The following L3MBTL4 variants were observed in gnomAD, a reference collection of about 807,000 sequenced individuals.
L3MBTL4 encodes the protein lethal(3)malignant brain tumor-like protein 4.
L3MBTL4 carries 70 observed loss-of-function variants against 84.5 expected under a neutral mutation model. That is an observed-to-expected ratio of 0.83 (90% CI 0.68 to 1.01). L3MBTL4 has a LOEUF of 1.01. Ranked by LOEUF, L3MBTL4 falls within the 50% of genes least tolerant of loss-of-function variation. The pLI is 0.00. For synonymous variants in L3MBTL4, 274 were observed against 259.8 expected, an observed-to-expected ratio of 1.05 and a Z score of -0.52; for missense variants, 715 against 754.8, an observed-to-expected ratio of 0.95 and a Z score of 0.62.
intron 1 of L3MBTL4, among the ~76,000 whole-genome samples, chr18:6,329,255 G>A (rs907838479): frequency 1.3e-4 from 19 of 148,134 alleles, no homozygotes; most frequent in African/African-American, 4.0e-4. Context: ...CTGGGTTCAC[G>A]CCATTCTCCT....
intron 17 of L3MBTL4, among the ~76,000 whole-genome samples, chr18:5,964,762 G>T (rs606266): frequency 0.6 from 90,519 of 151,906 alleles, 27,604 homozygotes; most frequent in East Asian, 0.92. Flanking sequence ...ATACCTAGGG[G>T]GGTAAATGTG....
chr18:6,413,423 C>A (rs1410247410), intron 1 of L3MBTL4, among the ~76,000 whole-genome samples: 6 of 152,042 alleles, frequency 3.9e-5, no homozygotes, highest in Non-Finnish European at 8.8e-5. Context: ...TTTGGATACT[C>A]CAAGAAAAAA....
At chr18:5,991,261 A>C (rs1385968249) in intron 16 of L3MBTL4, among the ~76,000 whole-genome samples, 1 of 152,186 alleles carries the variant, frequency 6.6e-6, no homozygotes, top group African/African-American at 2.4e-5. Flanking sequence ...TTCCTATCAC[A>C]GTCAGTACTT....
At chr18:5,958,062 GAGAAGAAGAAGAAGAAGA>G (rs563678931) in intron 18 of L3MBTL4, among the ~76,000 whole-genome samples, 1,300 of 93,188 alleles carry the variant, frequency 0.014, 16 homozygotes, top group South Asian at 0.022. Flanking sequence ...GAAGGAGAAG[GAGAAGAAGAAGAAGAAGA>G]AGAAGAAGAA....
chr18:6,375,619 G>T (rs1432097001), intron 1 of L3MBTL4, among the ~76,000 whole-genome samples: 2 of 152,082 alleles, frequency 1.3e-5, no homozygotes, highest in South Asian at 2.1e-4. Flanking sequence ...AGGGCTCTTT[G>T]TCACTGTATC....
chr18:6,169,209 G>T (rs1483314566), intron 13 of L3MBTL4, among the ~76,000 whole-genome samples: 1 of 152,172 alleles, frequency 6.6e-6, no homozygotes, highest in Non-Finnish European at 1.5e-5. Flanking sequence ...GGAGAAATGG[G>T]AACACTTTTA....
intron 14 of L3MBTL4, among the ~76,000 whole-genome samples, chr18:6,097,237 T>C (rs1217507061): frequency 6.6e-6 from 1 of 152,226 alleles, no homozygotes; most frequent in Non-Finnish European, 1.5e-5. Context: ...CAGACAAAGT[T>C]TTAAAAGAAA....
At chr18:6,310,676 G>A (rs910545881) in intron 3 of L3MBTL4, among the ~76,000 whole-genome samples, 5 of 152,190 alleles carry the variant, frequency 3.3e-5, no homozygotes, top group African/African-American at 1.2e-4. Flanking sequence ...TGAGAATGCT[G>A]TAATGGCCCA....
intron 16 of L3MBTL4, among the ~76,000 whole-genome samples, chr18:6,052,173 A>G (rs538017586): frequency 1.7e-3 from 261 of 152,364 alleles, no homozygotes; most frequent in African/African-American, 6.2e-3. Flanking sequence ...ATTTCCTTTA[A>G]GTCGACTTCA....
intron 12 of L3MBTL4, among the ~76,000 whole-genome samples, chr18:6,196,247 T>C (rs1263024599): frequency 1.4e-5 from 2 of 145,390 alleles, no homozygotes; most frequent in African/African-American, 2.6e-5. Context: ...AAGCTCCACC[T>C]CCCGGGTTCA....
intron 1 of L3MBTL4, among the ~76,000 whole-genome samples, chr18:6,399,140 C>A (rs1040712962): frequency 5.3e-5 from 8 of 152,222 alleles, no homozygotes; most frequent in Middle Eastern, 6.8e-3. Flanking sequence ...TTAGCCAAAC[C>A]TTTGGAAAGA....
At chr18:6,264,652 C>A (rs188674092) in intron 4 of L3MBTL4, among the ~76,000 whole-genome samples, 49 of 152,204 alleles carry the variant, frequency 3.2e-4, no homozygotes, top group African/African-American at 8.7e-4. Context: ...GGCATCGTGG[C>A]GGGTGCCTGT....
At chr18:6,318,494 TAAAAAAAAAAAAA>T (rs71370550) in intron 1 of L3MBTL4, among the ~76,000 whole-genome samples, 4 of 14,202 alleles carry the variant, frequency 2.8e-4, no homozygotes, top group East Asian at 4.2e-3. Context: ...ACAACAATAG[TAAAAAAAAAAAAA>T]AAAAAAAAAA....
intron 1 of L3MBTL4, among the ~76,000 whole-genome samples, chr18:6,389,117 C>A (rs1020931756): frequency 1.3e-5 from 2 of 152,098 alleles, no homozygotes; most frequent in Non-Finnish European, 2.9e-5. Context: ...ACCTTCCAAG[C>A]CATAAGGGAT....
Position 6,244,058 on chromosome 18 carries a change from C to T in L3MBTL4, c.324+426G>A, listed in dbSNP as rs1170315139. On this transcript the variant is annotated intron_variant, in intron 6 of 18. Transcript: ENST00000317931. Reference sequence around the variant, plus strand: ...TAAGTATTACATTTTATAAGCCATTCATCAAGAGCTCTCCACTCTAAATAA... The same window carrying T: ...TAAGTATTACATTTTATAAGCCATTTATCAAGAGCTCTCCACTCTAAATAA... 3.9e-5 allele frequency among the ~76,000 whole-genome samples: 6 copies of T among 152,202 alleles called. No homozygotes were observed. In the East Asian group the frequency reaches 1.2e-3, roughly 29 times the overall value.
Position 6,263,928 on chromosome 18 carries a change from A to G in L3MBTL4, c.219+19T>C, listed in dbSNP as rs756517279. On this transcript the variant is annotated intron_variant, in intron 5 of 18. Transcript: ENST00000317931. The stretch of plus-strand genomic sequence containing the variant: ...AAGTGTTGCTTCCTTGCAAAAATAT[A>G]AGTCCTTCAGTGGCTGACCTTGGAA... 118 of 1,574,744 alleles carry G rather than the reference A, an allele frequency of 7.5e-5. No homozygotes were observed. Among genetic ancestry groups the G allele is most frequent in the Non-Finnish European group, 1.0e-4 (114 of 1,144,122 alleles).
intron 1 of L3MBTL4, among the ~76,000 whole-genome samples, chr18:6,394,537 T>C (rs1219367907): frequency 1.3e-5 from 2 of 152,094 alleles, no homozygotes; most frequent in African/African-American, 4.8e-5. Context: ...TTCTTGCTTA[T>C]TGACGGCCTC....
At chr18:6,010,525 G>A (rs980770180) in intron 16 of L3MBTL4, among the ~76,000 whole-genome samples, 1 of 152,138 alleles carries the variant, frequency 6.6e-6, no homozygotes, top group African/African-American at 2.4e-5. Context: ...CCACTTGCAT[G>A]TGCGGTATTA....
intron 14 of L3MBTL4, among the ~76,000 whole-genome samples, chr18:6,105,033 GATTGGGGGC>G (rs1302776455): frequency 2.6e-5 from 4 of 152,060 alleles, no homozygotes; most frequent in Admixed American, 2.6e-4. Context: ...GATATTAAAA[GATTGGGGGC>G]ATTAATATAA....
Sources: allele counts gnomAD v4.1 joint callset (sites outside exome capture counted in the v4.1 genomes callset), GRCh38; gene constraint gnomAD v4.1.1; transcripts MANE v1.5; gene names NCBI Gene and HGNC (gene_info 2026-07-23, HGNC 2026-07-21).